ROBO1: variants seen among roughly 807,000 people sequenced by gnomAD.
The protein encoded by ROBO1 is roundabout homolog 1.
A neutral mutation model predicts 195.9 loss-of-function variants in ROBO1; 149 were observed. The ratio of observed to expected loss-of-function variants is 0.76; its 90% CI spans 0.67 to 0.87. The LOEUF is 0.87. Ranked by LOEUF, ROBO1 falls within the 40% of genes least tolerant of loss-of-function variation. The probability of loss-of-function intolerance (pLI) is 0.00; values close to 1 mark genes in which losing one functional copy is unlikely to be tolerated. For missense variants in ROBO1, 1,933 were observed against 2,068.3 expected (o/e 0.93, Z 1.27); for synonymous variants, 816 against 733.2 (o/e 1.11, Z -1.82).
At chr3:79,484,753 A>ATATTTTTTTTTTTTTTTTTTTTTTTTT (rs1402757273) in intron 2 of ROBO1, among the ~76,000 whole-genome samples, 1 of 17,696 alleles carries the variant, frequency 5.7e-5, no homozygotes, top group East Asian at 1.1e-3. Context: ...TCATTGCACT[A>ATATTTTTTTTTTTTTTTTTTTTTTTTT]TCTTTTTTTT....
chr3:79,544,246 C>T (rs1039254456), intron 2 of ROBO1, among the ~76,000 whole-genome samples: 42 of 151,980 alleles, frequency 2.8e-4, no homozygotes, highest in Non-Finnish European at 1.0e-4. Context: ...CGCTAATCTA[C>T]ATTAATATAT....
intron 2 of ROBO1, among the ~76,000 whole-genome samples, chr3:79,347,021 A>G (rs565912534): frequency 5.3e-5 from 8 of 152,178 alleles, no homozygotes; most frequent in African/African-American, 1.7e-4. Flanking sequence ...AGTAAAAAAA[A>G]TAGGTTTTAC....
At chr3:78,637,059 AAATTACAATGGTAAAAATGT>A in intron 22 of ROBO1, among the ~76,000 whole-genome samples, 1 of 149,198 alleles carries the variant, frequency 6.7e-6, no homozygotes, top group African/African-American at 2.5e-5. Context: ...AAAATTAGTT[AAATTACAATGGTAAAAATGT>A]CATTATTTTA....
At chr3:79,246,357 A>C (rs1014427224) in intron 2 of ROBO1, among the ~76,000 whole-genome samples, 3 of 152,146 alleles carry the variant, frequency 2.0e-5, no homozygotes, top group Non-Finnish European at 4.4e-5. Context: ...TTGCAGAGTT[A>C]GCTGGTGAAT....
intron 14 of ROBO1, among the ~76,000 whole-genome samples, chr3:78,665,980 A>C (rs1707710373): frequency 6.6e-6 from 1 of 151,420 alleles, no homozygotes; most frequent in Non-Finnish European, 1.5e-5. Flanking sequence ...CCCATGTGTC[A>C]CGGGAGGGTC....
chr3:78,938,250 T>A, intron 4 of ROBO1: 1 of 242,182 alleles, frequency 4.1e-6, no homozygotes, highest in South Asian at 5.4e-5. Context: ...TTCTCTTGCC[T>A]CAGTGTCTCA....
chr3:78,790,259 C>A (rs979969583), intron 4 of ROBO1, among the ~76,000 whole-genome samples: 4 of 152,186 alleles, frequency 2.6e-5, no homozygotes, highest in Admixed American at 2.6e-4. Flanking sequence ...ATCTCCTAGA[C>A]TTACAGCTTT....
intron 2 of ROBO1, among the ~76,000 whole-genome samples, chr3:79,578,333 G>T (rs1943559737): frequency 6.6e-6 from 1 of 152,116 alleles, no homozygotes; most frequent in Non-Finnish European, 1.5e-5. Flanking sequence ...AAGATTCAAT[G>T]AAACAAGTTT....
chr3:79,620,564 T>C (rs1282197583), intron 1 of ROBO1, among the ~76,000 whole-genome samples: 4 of 152,102 alleles, frequency 2.6e-5, no homozygotes, highest in African/African-American at 9.6e-5. Flanking sequence ...CCTGCCCAGC[T>C]CCCTTATTAG....
rs574083257 is a variant in ROBO1, at chr3:78,628,229, C to G, written c.3627-660G>C. Among the ~76,000 whole-genome samples, 36 of 152,346 alleles carry G rather than the reference C, an allele frequency of 2.4e-4. No individual in the cohort carries two copies. The South Asian group carries it at 7.0e-3, about 30-fold the overall frequency. On this transcript the variant is annotated intron_variant, in intron 25 of 30. Coordinates refer to ENST00000464233, the MANE Select transcript of ROBO1 (RefSeq NM_002941.4). ...TCAGCCTCCCAAAGTGCTGGGATTA[C>G]AGGCGTGAGCCACTGTGCCCAGCCA...
intron 1 of ROBO1, among the ~76,000 whole-genome samples, chr3:79,615,835 A>C (rs1263363521): frequency 6.6e-6 from 1 of 152,166 alleles, no homozygotes; most frequent in African/African-American, 2.4e-5. Flanking sequence ...CTATGCTTAC[A>C]TTTTACCGTA....
chr3:79,135,437 A>G (rs1196397959), intron 2 of ROBO1, among the ~76,000 whole-genome samples: 3 of 152,150 alleles, frequency 2.0e-5, no homozygotes, highest in African/African-American at 7.2e-5. Flanking sequence ...TGAAAAAAAA[A>G]TTGTTGATTG....
chr3:78,635,532 AT>A (rs1381981045), intron 23 of ROBO1, among the ~76,000 whole-genome samples: 1 of 152,162 alleles, frequency 6.6e-6, no homozygotes, highest in Non-Finnish European at 1.5e-5. Flanking sequence ...CTGCTATTAA[AT>A]TTAAATTAAT....
intron 2 of ROBO1, among the ~76,000 whole-genome samples, chr3:79,403,614 C>A (rs2037442447): frequency 6.6e-6 from 1 of 151,806 alleles, no homozygotes; most frequent in African/African-American, 2.4e-5. Flanking sequence ...GTGGTTTTAC[C>A]CTACTTTTGG....
intron 29 of ROBO1, among the ~76,000 whole-genome samples, chr3:78,601,759 C>T (rs1427496831): frequency 6.6e-6 from 1 of 152,112 alleles, no homozygotes; most frequent in Non-Finnish European, 1.5e-5. Flanking sequence ...CTATTTATGC[C>T]TACATCACTA....
At chr3:79,140,572 G>T (rs1281437365) in intron 2 of ROBO1, among the ~76,000 whole-genome samples, 1 of 152,030 alleles carries the variant, frequency 6.6e-6, no homozygotes, top group Admixed American at 6.6e-5. Flanking sequence ...TAAGAAGTTA[G>T]TAAAAGTTTG....
intron 9 of ROBO1, among the ~76,000 whole-genome samples, chr3:78,686,864 T>A (rs1482808378): frequency 6.6e-6 from 1 of 152,148 alleles, no homozygotes; most frequent in Non-Finnish European, 1.5e-5. Flanking sequence ...TTTTCTAAAA[T>A]TCATATGTTG....
intron 2 of ROBO1, among the ~76,000 whole-genome samples, chr3:79,164,770 T>C (rs1337533516): frequency 6.6e-6 from 1 of 152,168 alleles, no homozygotes; most frequent in African/African-American, 2.4e-5. Context: ...CATTCCCGAC[T>C]CCTCTCCCCT....
At chr3:79,710,851 G>A (rs1336650533) in intron 1 of ROBO1, among the ~76,000 whole-genome samples, 2 of 152,108 alleles carry the variant, frequency 1.3e-5, no homozygotes, top group African/African-American at 4.8e-5. Context: ...ATCTTGTAAA[G>A]TTAGTTTGAA....
Sources: gnomAD v4.1 joint callset for allele counts (sites outside exome capture counted in the v4.1 genomes callset) on GRCh38, gnomAD v4.1.1 for gene constraint, MANE v1.5 for transcripts, NCBI Gene and HGNC (gene_info 2026-07-23, HGNC 2026-07-21) for gene names.